Variants in NAALADL2 observed in about 807,000 individuals in gnomAD.
NAALADL2 encodes inactive N-acetylated-alpha-linked acidic dipeptidase-like protein 2.
NAALADL2 carries 76 observed loss-of-function variants against 87.2 expected under a neutral mutation model. The observed-to-expected ratio is 0.87, with a 90% CI of 0.72 to 1.05. The LOEUF is 1.05. NAALADL2 is among the 50% of genes least tolerant of loss of function. The pLI is 0.00. For synonymous variants in NAALADL2, 354 were observed against 331.0 expected (o/e 1.07, Z -0.75); for missense variants, 1,089 against 945.8 (o/e 1.15, Z -1.99).
Position 175,256,519 on chromosome 3 carries a change from C to A in NAALADL2, c.928C>A (p.Leu310Met). ...ACTCCTGAAATTAGGAAAATTGCCA[C>A]TGCTTTATAAGGTTGGTCCAGTGAA... is the stretch of plus-strand genomic sequence containing the variant. ...IALLKLGKLPLLYKLSSLEKA... is the reference protein window; with the variant it reads ...IALLKLGKLPMLYKLSSLEKA... Residue 310 changes from leucine to methionine, a missense_variant, in exon 4 of 14, where the codon CTG becomes ATG. By Grantham distance (15) the Leu-to-Met change is conservative. Transcript: ENST00000454872. 6.2e-7 allele frequency: 1 copy of A among 1,611,914 alleles called. No individual in the cohort carries two copies. The highest frequency in any genetic ancestry group is 8.5e-7 in the Non-Finnish European group (1 of 1,179,130).
At chr3:175,733,019 A>G (rs914190887) in intron 11 of NAALADL2, among the ~76,000 whole-genome samples, 7 of 152,110 alleles carry the variant, frequency 4.6e-5, no homozygotes, top group African/African-American at 1.4e-4. Flanking sequence ...ACATTTACCT[A>G]TGTAACAAAC....
At chr3:174,787,576 C>CAT (rs71300440) in intron 3 of NAALADL2, among the ~76,000 whole-genome samples, 1,753 of 14,538 alleles carry the variant, frequency 0.12, 156 homozygotes, top group Middle Eastern at 0.17. Flanking sequence ...AATATATCAT[C>CAT]ATATATATAT....
intron 2 of NAALADL2, among the ~76,000 whole-genome samples, chr3:175,103,057 C>T (rs561486646): frequency 2.1e-5 from 3 of 145,514 alleles, no homozygotes; most frequent in East Asian, 2.0e-4. Context: ...TGCAGTGAGC[C>T]GAGATCCACC....
intron 9 of NAALADL2, among the ~76,000 whole-genome samples, chr3:175,474,427 C>T (rs1725348630): frequency 6.6e-6 from 1 of 151,942 alleles, no homozygotes; most frequent in Non-Finnish European, 1.5e-5. Context: ...GTTTTAAGTA[C>T]ATTTATAGAA....
chr3:174,956,793 G>A (rs1194460805), intron 1 of NAALADL2, among the ~76,000 whole-genome samples: 1 of 152,004 alleles, frequency 6.6e-6, no homozygotes, highest in Non-Finnish European at 1.5e-5. Context: ...AAGAATGTGG[G>A]ATGAGAGGAG....
chr3:174,616,919 T>C lies in NAALADL2; in HGVS notation c.-115+66282T>C, dbSNP rs147388089. On this transcript the variant is annotated intron_variant, in intron 2 of 3. Coordinates refer to the NAALADL2 transcript ENST00000434257. Reference sequence around the variant, plus strand: ...TTATAAGTTGAATTATGTATACTTATATATACCTGTTGTATTGTTTTAATA... The same window carrying C: ...TTATAAGTTGAATTATGTATACTTACATATACCTGTTGTATTGTTTTAATA... 4.4e-3 allele frequency among the ~76,000 whole-genome samples: 673 copies of C among 152,022 alleles called. 5 individuals are homozygous for C. The highest frequency in any genetic ancestry group is 0.015 in the African/African-American group (611 of 41,558).
chr3:175,699,779 T>A (rs1171014265), intron 11 of NAALADL2, among the ~76,000 whole-genome samples: 1 of 152,180 alleles, frequency 6.6e-6, no homozygotes, highest in Non-Finnish European at 1.5e-5. Flanking sequence ...GTGCTTATCA[T>A]AGGATTCTTT....
intron 11 of NAALADL2, among the ~76,000 whole-genome samples, chr3:175,706,339 A>C (rs1013955274): frequency 1.3e-5 from 2 of 152,140 alleles, no homozygotes; most frequent in Non-Finnish European, 2.9e-5. Flanking sequence ...TTTTCTATGC[A>C]TACTTAGTTA....
At chr3:175,297,648 C>T (rs1756545119) in intron 4 of NAALADL2, among the ~76,000 whole-genome samples, 1 of 152,070 alleles carries the variant, frequency 6.6e-6, no homozygotes, top group Non-Finnish European at 1.5e-5. Flanking sequence ...ATTGGTAATT[C>T]ACATTTTTAA....
At chr3:174,908,335 T>C (rs1293514447) in intron 1 of NAALADL2, among the ~76,000 whole-genome samples, 1 of 152,010 alleles carries the variant, frequency 6.6e-6, no homozygotes, top group African/African-American at 2.4e-5. Flanking sequence ...ACAGAATAAG[T>C]CACTATGGGA....
intron 1 of NAALADL2, chr3:174,458,727 C>T (rs1448573998): frequency 1.3e-5 from 2 of 152,144 alleles, no homozygotes; most frequent in African/African-American, 4.8e-5. Flanking sequence ...GATATCTGCT[C>T]ATCTAATACT....
rs78643395 is a variant in NAALADL2, at chr3:175,237,898, G to A, written c.819+3694G>A. On this transcript the variant is annotated intron_variant, in intron 3 of 13. Coordinates refer to ENST00000454872, the MANE Select transcript of NAALADL2 (RefSeq NM_207015.3). ...ATCTTTCACAGTTAAGGCAATGCAC[G>A]CCTATGTCTAAGGATTTGACTTTGT... Among the ~76,000 whole-genome samples the A allele has an allele frequency of 7.1e-3, 1,082 of 152,138 alleles. 34 individuals are homozygous for A. The East Asian group carries it at 0.076, about 11-fold the overall frequency.
intron 2 of NAALADL2, among the ~76,000 whole-genome samples, chr3:174,733,736 A>T (rs901045866): frequency 4.6e-5 from 7 of 152,158 alleles, no homozygotes; most frequent in Non-Finnish European, 7.3e-5. Context: ...AGCTGAGGAG[A>T]TGGGAGATCA....
intron 2 of NAALADL2, among the ~76,000 whole-genome samples, chr3:175,199,833 TATATATATATATATATATATATA>T (rs1739572521): frequency 4.2e-4 from 5 of 12,036 alleles, no homozygotes; most frequent in South Asian, 2.9e-3. Context: ...TATATATATA[TATATATATATATATATATATATA>T]TATATATATT....
intron 1 of NAALADL2, among the ~76,000 whole-genome samples, chr3:175,047,228 A>AG (rs1754793691): frequency 1.3e-5 from 2 of 152,158 alleles, no homozygotes; most frequent in Admixed American, 1.3e-4. Context: ...ATATAACTGG[A>AG]GGGGGGACAA....
chr3:175,360,672 G>GT (rs1764885281), intron 5 of NAALADL2, among the ~76,000 whole-genome samples: 2 of 151,912 alleles, frequency 1.3e-5, no homozygotes, highest in Non-Finnish European at 2.9e-5. Flanking sequence ...ATTTTCTAAG[G>GT]TTTTTTAGTT....
intron 3 of NAALADL2, among the ~76,000 whole-genome samples, chr3:174,819,608 C>T (rs1461763960): frequency 1.3e-5 from 2 of 152,048 alleles, no homozygotes; most frequent in Non-Finnish European, 1.5e-5. Flanking sequence ...GAGTTCATAG[C>T]TTTTTGATGC....
intron 2 of NAALADL2, among the ~76,000 whole-genome samples, chr3:175,194,386 C>G (rs1393242660): frequency 6.6e-6 from 1 of 151,782 alleles, no homozygotes; most frequent in Non-Finnish European, 1.5e-5. Flanking sequence ...AAAGGAGAGC[C>G]TTGAAATCAT....
intron 1 of NAALADL2, among the ~76,000 whole-genome samples, chr3:175,018,927 T>C (rs139822661): frequency 7.7e-4 from 117 of 152,200 alleles, no homozygotes; most frequent in African/African-American, 2.7e-3. Flanking sequence ...CTTACTTTCT[T>C]TTGGTAAGTG....
Sources: gnomAD v4.1 joint callset for allele counts (sites outside exome capture counted in the v4.1 genomes callset) on GRCh38, gnomAD v4.1.1 for gene constraint, MANE v1.5 for transcripts, NCBI Gene and HGNC (gene_info 2026-07-23, HGNC 2026-07-21) for gene names.